The following MYH9 variants were observed in gnomAD, a reference collection of about 807,000 sequenced individuals.
MYH9 encodes myosin-9.
MYH9 carries 29 observed loss-of-function variants against 241.9 expected under a neutral mutation model. The ratio of observed to expected loss-of-function variants is 0.12; its 90% CI spans 0.09 to 0.16. The LOEUF (loss-of-function observed/expected upper bound fraction) is 0.16. Ranked by LOEUF, MYH9 falls within the 10% of genes least tolerant of loss-of-function variation. The pLI is 1.00. For synonymous variants in MYH9, 1,047 were observed against 1,062.6 expected (o/e 0.99, Z 0.29); for missense variants, 1,803 against 2,595.5 (o/e 0.69, Z 6.63).
intron 1 of MYH9, among the ~76,000 whole-genome samples, chr22:36,376,838 T>TG (rs2018175268): frequency 6.6e-6 from 1 of 152,030 alleles, no homozygotes; most frequent in African/African-American, 2.4e-5. Flanking sequence ...CCGAGGCAGG[T>TG]GATCACCTGA....
At chr22:36,379,622 C>A (rs1392309270) in intron 1 of MYH9, among the ~76,000 whole-genome samples, 1 of 152,194 alleles carries the variant, frequency 6.6e-6, no homozygotes, top group African/African-American at 2.4e-5. Context: ...ATGGTAAGGG[C>A]CTCTGAGAAG....
At chr22:36,385,798 G>T (rs1353650730) in intron 1 of MYH9, among the ~76,000 whole-genome samples, 1 of 152,152 alleles carries the variant, frequency 6.6e-6, no homozygotes, top group Non-Finnish European at 1.5e-5. Context: ...GAGCGCAGTG[G>T]CTCTCAAATT....
At chr22:36,369,756 TGAG>T (rs1341110325) in intron 1 of MYH9, among the ~76,000 whole-genome samples, 4 of 152,150 alleles carry the variant, frequency 2.6e-5, no homozygotes, top group Non-Finnish European at 2.9e-5. Context: ...TGAAGTGGGA[TGAG>T]AAGGCAGGAG....
At position 36,343,847 on chromosome 22, in the gene MYH9, C is replaced by G. The variant is rs141627679; in HGVS notation, c.334-2321G>C. On this transcript the variant is annotated intron_variant, in intron 2 of 40. Transcript: ENST00000216181. The stretch of plus-strand genomic sequence containing the variant: ...AGAGAAGGCCAGGGAGCAGCAAGGT[C>G]ACCCCAGGAGCTCAGAAACAATCAA... Among the ~76,000 whole-genome samples, 480 of 152,302 alleles carry G rather than the reference C, an allele frequency of 3.2e-3. 2 individuals carry two copies. The highest frequency in any genetic ancestry group is 0.01 in the African/African-American group (418 of 41,562).
At chr22:36,328,362 T>C (rs1410645430) in intron 3 of MYH9, among the ~76,000 whole-genome samples, 1 of 152,200 alleles carries the variant, frequency 6.6e-6, no homozygotes. Context: ...ATCCTGGCTG[T>C]TCAGTACTGG....
chr22:36,325,562 CCAA>C (rs2017322496), intron 5 of MYH9, among the ~76,000 whole-genome samples: 1 of 152,220 alleles, frequency 6.6e-6, no homozygotes, highest in Non-Finnish European at 1.5e-5. Context: ...CTGAAAAACT[CCAA>C]CGTGAGAACT....
At chr22:36,384,627 TATATATATATATATATATATATATAC>T (rs893516991) in intron 1 of MYH9, among the ~76,000 whole-genome samples, 4 of 80,668 alleles carry the variant, frequency 5.0e-5, no homozygotes, top group African/African-American at 1.9e-4. Context: ...TATATATATA[TATATATATATATATATATATATATAC>T]AGCCACTACA....
chr22:36,357,857 AG>A (rs1456846245), intron 1 of MYH9, among the ~76,000 whole-genome samples: 1 of 152,232 alleles, frequency 6.6e-6, no homozygotes, highest in Non-Finnish European at 1.5e-5. Context: ...TGTGCTTTAA[AG>A]ATCCTGAATA....
Position 36,300,407 on chromosome 22 carries a change from C to T in MYH9, c.2839-143G>A, listed in dbSNP as rs555806953. On this transcript the variant is annotated intron_variant, in intron 22 of 40. Transcript: ENST00000216181. This position sits in a 1 kb window ranked among gnomAD's most constrained non-coding sequence, Gnocchi z 5.0. ...CCCAGGGCCATGGCTGAGGTGGGGACGGCAAGGTCCGCCAGCCCAGGGCCA... is the reference window on the plus strand; with the variant it reads ...CCCAGGGCCATGGCTGAGGTGGGGATGGCAAGGTCCGCCAGCCCAGGGCCA... The T allele has an allele frequency of 1.6e-5, 20 of 1,216,764 alleles. No homozygotes were observed. The highest frequency in any genetic ancestry group is 1.5e-4 in the African/African-American group (10 of 66,740). 75.4% of individuals were successfully genotyped at this position (1,216,764 alleles called of 1,614,324 possible).
At chr22:36,376,889 C>T (rs1047067794) in intron 1 of MYH9, among the ~76,000 whole-genome samples, 4 of 152,072 alleles carry the variant, frequency 2.6e-5, no homozygotes, top group African/African-American at 9.7e-5. Flanking sequence ...ATGGTGAAAC[C>T]CTGTCTCTAC....
In MYH9 at chr22:36,300,047, GC is replaced by G; in HGVS notation, c.2976+79del. ...AGACAGGAAGCAGCAGCAGCGGGGA[GC>G]CAGGCCCTGCAAGGGTGACCACACT... On this transcript the variant is annotated intron_variant, in intron 23 of 40. Transcript: ENST00000216181. The surrounding 1 kb of genome is among the most constrained non-coding windows in gnomAD (Gnocchi z 5.0). 1 of 1,580,388 alleles carries G rather than the reference GC, an allele frequency of 6.3e-7. No homozygotes were observed. Among genetic ancestry groups the G allele is most frequent in the Non-Finnish European group, 8.6e-7 (1 of 1,162,120 alleles).
Position 36,316,628 on chromosome 22 carries a change from C to T in MYH9, c.1269G>A (p.Glu423=), listed in dbSNP as rs766313901. The change falls in exon 12 of 41, where the codon GAG becomes GAA. Residue 423 remains glutamate (E), a synonymous_variant. Coordinates refer to ENST00000216181, the MANE Select transcript of MYH9 (RefSeq NM_002473.6). ...AIEALAKATY[E]RMFRWLVLRI... ...GCAGCACCAGCCAGCGGAACATCCG[C>T]TCATAGGTCGCCTTGGCCAAGGCCT... The T allele has an allele frequency of 2.2e-5, 36 of 1,614,088 alleles. No individual in the cohort carries two copies. The highest frequency in any genetic ancestry group is 3.1e-5 in the Non-Finnish European group (36 of 1,180,036).
intron 1 of MYH9, among the ~76,000 whole-genome samples, chr22:36,361,018 G>T (rs979390486): frequency 2.0e-5 from 3 of 152,154 alleles, no homozygotes; most frequent in African/African-American, 7.2e-5. Flanking sequence ...TACAGGGTGG[G>T]TCAATAAAGT....
rs191972605 is a variant in MYH9, at chr22:36,332,871, G to C, written c.491-5383C>G. ...AGGAGGGGGAAACTTCTCCTTCTGGGGTTGTTGCCAAGGCAGCTCCAACAG... is the reference window on the plus strand; with the variant it reads ...AGGAGGGGGAAACTTCTCCTTCTGGCGTTGTTGCCAAGGCAGCTCCAACAG... On this transcript the variant is annotated intron_variant, in intron 3 of 40. Coordinates refer to ENST00000216181, the MANE Select transcript of MYH9 (RefSeq NM_002473.6). Among the ~76,000 whole-genome samples the C allele has an allele frequency of 4.2e-3, 643 of 152,146 alleles. 6 individuals are homozygous for C. The highest frequency in any genetic ancestry group is 7.5e-3 in the Non-Finnish European group (513 of 68,000).
chr22:36,324,097 G>A (rs1335013665), intron 5 of MYH9, among the ~76,000 whole-genome samples: 2 of 152,232 alleles, frequency 1.3e-5, no homozygotes, highest in South Asian at 2.1e-4. Flanking sequence ...AAGGGAGCGC[G>A]GCCCCTCCAT....
Position 36,305,436 on chromosome 22 carries a change from T to C in MYH9, c.2160-334A>G, listed in dbSNP as rs1469626420. ...GACAGCCATGTTCACACAGCTTCCC[T>C]GGGACGCTGCAGGGAGCTGCTAATA... On this transcript the variant is annotated intron_variant, in intron 17 of 40. Transcript: ENST00000216181. The surrounding 1 kb of genome is among the most constrained non-coding windows in gnomAD (Gnocchi z 4.7). 1.3e-5 allele frequency among the ~76,000 whole-genome samples: 2 copies of C among 152,196 alleles called. No homozygotes were observed. The highest frequency in any genetic ancestry group is 2.9e-5 in the Non-Finnish European group (2 of 68,036).
chr22:36,309,210 G>A (rs1039274090), intron 15 of MYH9, 72 bp downstream of exon 15: 2 of 1,293,168 alleles, frequency 1.5e-6, no homozygotes, highest in African/African-American at 2.9e-5. Context: ...TGGCAGCTCG[G>A]CCCACTGTGG....
chr22:36,288,600 A>G lies in MYH9; in HGVS notation c.4770+127T>C. The G allele has an allele frequency of 7.5e-7, 1 of 1,337,310 alleles. No homozygotes were observed. The highest frequency in any genetic ancestry group is 1.2e-5 in the South Asian group (1 of 84,842). 82.8% of individuals were successfully genotyped at this position (1,337,310 alleles called of 1,614,324 possible). A position where few individuals can be genotyped will look rare whatever the true frequency, so the allele number is the denominator to read the frequency against. ...AACCCCGAGACAGGAGGCTAGAAAG[A>G]AGGAATATGGGAGGGGAGGCGTGGT... On this transcript the variant is annotated intron_variant, in intron 33 of 40. Transcript: ENST00000216181. The surrounding 1 kb of genome is among the most constrained non-coding windows in gnomAD (Gnocchi z 4.8).
chr22:36,289,226 T>C lies in MYH9; in HGVS notation c.4416A>G (p.Arg1472=), dbSNP rs2016644259. 2 of 1,613,110 alleles carry C rather than the reference T, an allele frequency of 1.2e-6. No homozygotes were observed. The highest frequency in any genetic ancestry group is 1.1e-5 in the South Asian group (1 of 91,092). Residue 1472 remains arginine, a synonymous_variant, in exon 32 of 41, where the codon CGA becomes CGG. Coordinates refer to ENST00000216181, the MANE Select transcript of MYH9 (RefSeq NM_002473.6). ...GCGACAGAGCCTTGGTCTCCTTCTC[T>C]CGGGCCTCCGCCTCAGCCCGGTCGC... The part of the protein sequence containing the change: ...EERDRAEAEA[R]EKETKALSLA...
Sources: allele counts gnomAD v4.1 joint callset (sites outside exome capture counted in the v4.1 genomes callset), GRCh38; gene constraint gnomAD v4.1.1; non-coding constraint Gnocchi (gnomAD v3.1); transcripts MANE v1.5; gene names NCBI Gene and HGNC (gene_info 2026-07-23, HGNC 2026-07-21).